The following ZBTB16 variants were observed in gnomAD, a reference collection of about 807,000 sequenced individuals.
The protein encoded by ZBTB16 is zinc finger and BTB domain containing 16, also known as zinc finger and BTB domain-containing protein 16.
ZBTB16 carries 8 observed loss-of-function variants against 56.8 expected under a neutral mutation model. The observed-to-expected ratio is 0.14, with a 90% CI of 0.08 to 0.25. ZBTB16 has a LOEUF of 0.25. Among genes scored for constraint, ZBTB16 ranks in the 10% least tolerant of loss-of-function variants. The probability of loss-of-function intolerance (pLI) is 1.00; values close to 1 mark genes in which losing one functional copy is unlikely to be tolerated. For missense variants in ZBTB16, 625 were observed against 903.0 expected (o/e 0.69, Z 3.95); for synonymous variants, 363 against 368.5 (o/e 0.98, Z 0.17).
intron 2 of ZBTB16, among the ~76,000 whole-genome samples, chr11:114,110,730 A>G (rs1775557289): frequency 6.6e-6 from 1 of 152,210 alleles, no homozygotes; most frequent in Non-Finnish European, 1.5e-5. Context: ...GAAACTGATG[A>G]GGTTAATGTG....
chr11:114,059,820 G>T lies in ZBTB16; in HGVS notation c.-153G>T. On this transcript the variant is annotated 5_prime_UTR_variant, in exon 1 of 7. Coordinates refer to ENST00000335953, the MANE Select transcript of ZBTB16 (RefSeq NM_006006.6). The surrounding 1 kb of genome is among the most constrained non-coding windows in gnomAD (Gnocchi z 5.3). ...CAGTTCCCCAGCAACACCCCTCCCCGACACAGGCACACACCCCCCGACAGG... is the reference window on the plus strand; with the variant it reads ...CAGTTCCCCAGCAACACCCCTCCCCTACACAGGCACACACCCCCCGACAGG... The T allele has an allele frequency of 2.5e-6, 1 of 398,116 alleles. No individual in the cohort carries two copies. The highest frequency in any genetic ancestry group is 4.4e-6 in the Non-Finnish European group (1 of 225,852). The allele number at this position is 398,116 out of a possible 1,614,324, so 24.7% of individuals were successfully genotyped here. A position where few individuals can be genotyped will look rare whatever the true frequency, so the allele number is the denominator to read the frequency against.
chr11:114,167,484 G>A (rs1469680308), intron 3 of ZBTB16, among the ~76,000 whole-genome samples: 1 of 147,298 alleles, frequency 6.8e-6, no homozygotes, highest in Non-Finnish European at 1.5e-5. Context: ...GCATCAGTAG[G>A]ATTTTTTTCA....
chr11:114,159,850 G>A (rs1942526804), intron 3 of ZBTB16, among the ~76,000 whole-genome samples: 1 of 149,270 alleles, frequency 6.7e-6, no homozygotes, highest in South Asian at 2.1e-4. Context: ...GGTCTGTAGA[G>A]TAGACCCATT....
At chr11:114,100,746 T>G (rs1231284151) in intron 2 of ZBTB16, among the ~76,000 whole-genome samples, 1 of 152,194 alleles carries the variant, frequency 6.6e-6, no homozygotes, top group Admixed American at 6.5e-5. Flanking sequence ...CATTTCGCTT[T>G]GTGGAATTAT....
chr11:114,162,058 A>C (rs2134977671), intron 3 of ZBTB16, among the ~76,000 whole-genome samples: 1 of 152,288 alleles, frequency 6.6e-6, no homozygotes. Flanking sequence ...GCTCTTCCCC[A>C]GAGTTAGAGC....
chr11:114,170,069 T>C (rs888070831), intron 3 of ZBTB16, among the ~76,000 whole-genome samples: 3 of 152,146 alleles, frequency 2.0e-5, no homozygotes, highest in Non-Finnish European at 4.4e-5. Context: ...TGAGAAACAC[T>C]GCATTAAAGA....
At chr11:114,134,361 T>C (rs1941745186) in intron 2 of ZBTB16, among the ~76,000 whole-genome samples, 1 of 152,002 alleles carries the variant, frequency 6.6e-6, no homozygotes, top group South Asian at 2.1e-4. Flanking sequence ...TTTCTTTCTT[T>C]CTTTTTTCTT....
chr11:114,140,262 G>C (rs951950980), intron 2 of ZBTB16, among the ~76,000 whole-genome samples: 3 of 152,150 alleles, frequency 2.0e-5, no homozygotes, highest in Non-Finnish European at 4.4e-5. Flanking sequence ...CCCCCTCCTT[G>C]GGGAGGCCTG....
At chr11:114,093,257 A>G (rs1210714552) in intron 2 of ZBTB16, among the ~76,000 whole-genome samples, 2 of 151,788 alleles carry the variant, frequency 1.3e-5, no homozygotes, top group African/African-American at 4.8e-5. Context: ...ATTTAGGCCT[A>G]TCCCAGAGAG....
intron 4 of ZBTB16, among the ~76,000 whole-genome samples, chr11:114,216,418 C>T (rs1944098165): frequency 6.6e-6 from 1 of 152,176 alleles, no homozygotes; most frequent in Non-Finnish European, 1.5e-5. Context: ...ATTGCTGTTC[C>T]AGTCAACAGG....
intron 3 of ZBTB16, among the ~76,000 whole-genome samples, chr11:114,177,486 G>A (rs1474620384): frequency 6.6e-6 from 1 of 152,152 alleles, no homozygotes; most frequent in Non-Finnish European, 1.5e-5. Flanking sequence ...CAGACCTCAG[G>A]TGATCCGCCC....
At chr11:114,163,216 A>G (rs915101319) in intron 3 of ZBTB16, among the ~76,000 whole-genome samples, 1 of 5,522 alleles carries the variant, frequency 1.8e-4, no homozygotes, top group African/African-American at 7.3e-4. Flanking sequence ...CCCCACCCCC[A>G]CCCCTTCTCG....
chr11:114,146,947 C>T (rs908888115), intron 2 of ZBTB16, among the ~76,000 whole-genome samples: 1 of 151,316 alleles, frequency 6.6e-6, no homozygotes, highest in Non-Finnish European at 1.5e-5. Context: ...AAGCTAATAT[C>T]TGTTTGGCTT....
At chr11:114,236,689 C>T (rs1220137635) in intron 4 of ZBTB16, among the ~76,000 whole-genome samples, 1 of 152,212 alleles carries the variant, frequency 6.6e-6, no homozygotes, top group Non-Finnish European at 1.5e-5. Context: ...CCTCATACCT[C>T]CTCCTCTACC....
chr11:114,096,861 CA>C (rs1940433047), intron 2 of ZBTB16, among the ~76,000 whole-genome samples: 1 of 152,162 alleles, frequency 6.6e-6, no homozygotes, highest in Admixed American at 6.5e-5. Flanking sequence ...TACCAAAGCA[CA>C]AACGATGGAT....
intron 4 of ZBTB16, among the ~76,000 whole-genome samples, chr11:114,218,758 A>G (rs1196563549): frequency 6.6e-6 from 1 of 152,256 alleles, no homozygotes; most frequent in African/African-American, 2.4e-5. Flanking sequence ...GTCCTCAGGC[A>G]GTAGCATCTG....
intron 2 of ZBTB16, among the ~76,000 whole-genome samples, chr11:114,114,681 T>TC (rs1370299491): frequency 1.2e-4 from 18 of 151,322 alleles, no homozygotes; most frequent in African/African-American, 4.4e-4. Context: ...ATATGTTTTT[T>TC]CTTTTTTTTT....
intron 2 of ZBTB16, among the ~76,000 whole-genome samples, chr11:114,108,932 A>G (rs961771944): frequency 6.6e-6 from 1 of 152,178 alleles, no homozygotes; most frequent in African/African-American, 2.4e-5. Flanking sequence ...AGGTAAGGGT[A>G]CCCAGCCAGT....
intron 2 of ZBTB16, among the ~76,000 whole-genome samples, chr11:114,132,560 A>G (rs549754353): frequency 6.6e-6 from 1 of 152,186 alleles, no homozygotes; most frequent in Non-Finnish European, 1.5e-5. Context: ...CTGAGCCTCC[A>G]TCCTGCCCCC....
Sources: allele counts gnomAD v4.1 joint callset (sites outside exome capture counted in the v4.1 genomes callset), GRCh38; gene constraint gnomAD v4.1.1; non-coding constraint Gnocchi (gnomAD v3.1); transcripts MANE v1.5; gene names NCBI Gene and HGNC (gene_info 2026-07-23, HGNC 2026-07-21).